The following XDH variants were observed in gnomAD, a reference collection of about 807,000 sequenced individuals.
XDH encodes the protein xanthine dehydrogenase/oxidase.
In XDH, 138 loss-of-function variants were observed where a neutral mutation model predicts 156.1. That is an observed-to-expected ratio of 0.88 (90% CI 0.77 to 1.02). The LOEUF (loss-of-function observed/expected upper bound fraction) is 1.02. Among genes scored for constraint, XDH ranks in the 50% least tolerant of loss-of-function variants. XDH has a pLI of 0.00. For missense variants in XDH, 1,849 were observed against 1,684.9 expected (o/e 1.10, Z -1.71); for synonymous variants, 669 against 625.7 (o/e 1.07, Z -1.03).
intron 6 of XDH, among the ~76,000 whole-genome samples, chr2:31,396,359 T>G (rs931062844): frequency 6.6e-6 from 1 of 152,162 alleles, no homozygotes; most frequent in African/African-American, 2.4e-5. Flanking sequence ...TCTTATGAAG[T>G]AAATAGAGGC....
intron 21 of XDH, among the ~76,000 whole-genome samples, chr2:31,366,561 T>C (rs1685919818): frequency 6.6e-6 from 1 of 152,200 alleles, no homozygotes; most frequent in Non-Finnish European, 1.5e-5. Context: ...ACCGAGGCCA[T>C]AGGCACTGAA....
intron 8 of XDH, among the ~76,000 whole-genome samples, chr2:31,386,988 A>AAAGGAAGGAAGG (rs72299308): frequency 6.6e-5 from 6 of 90,508 alleles, no homozygotes; most frequent in African/African-American, 2.7e-4. Context: ...GGGAGGGAAG[A>AAAGGAAGGAAGG]AAGGAAGGAA....
chr2:31,338,059 TA>T (rs1685015425), intron 34 of XDH, among the ~76,000 whole-genome samples: 1 of 152,254 alleles, frequency 6.6e-6, no homozygotes, highest in East Asian at 1.9e-4. Context: ...AACACTCATG[TA>T]ATTTTCTCTG....
At chr2:31,387,258 T>C (rs1005919442) in intron 8 of XDH, among the ~76,000 whole-genome samples, 9 of 152,158 alleles carry the variant, frequency 5.9e-5, no homozygotes, top group African/African-American at 2.2e-4. Flanking sequence ...AAGTGTGCAC[T>C]TCAAAAACTC....
In XDH at chr2:31,347,615, C is replaced by A. The variant is rs752612875; in HGVS notation, c.3183G>T (p.Lys1061Asn). The A allele has an allele frequency of 6.2e-7, 1 of 1,613,982 alleles. No individual in the cohort carries two copies. The highest frequency in any genetic ancestry group is 1.3e-5 in the African/African-American group (1 of 74,910). The change falls in exon 29 of 36, where the codon AAG (lysine) becomes AAT (asparagine). Residue 1061 changes from lysine to asparagine, a missense_variant. Lys to Asn is a moderately conservative substitution (Grantham distance 94). Transcript: ENST00000379416. ...TAGTGCTTGTCTCGCTGATATAAAT[C>A]TTAGAGGTGGGGATTTTCAGAGCTC... ...ASRALKIPTS[K>N]IYISETSTNT...
intron 9 of XDH, among the ~76,000 whole-genome samples, chr2:31,384,682 TC>T (rs1366270755): frequency 1.3e-5 from 2 of 152,150 alleles, no homozygotes; most frequent in South Asian, 2.1e-4. Flanking sequence ...TGCCCCCCCT[TC>T]CCCCCAGGTG....
intron 6 of XDH, among the ~76,000 whole-genome samples, chr2:31,395,077 G>C (rs2148000895): frequency 6.6e-6 from 1 of 151,422 alleles, no homozygotes; most frequent in African/African-American, 2.4e-5. Context: ...GTTTGCCTTT[G>C]ACTATGCCTT....
intron 6 of XDH, among the ~76,000 whole-genome samples, chr2:31,394,976 C>T (rs1210639428): frequency 6.6e-6 from 1 of 152,172 alleles, no homozygotes; most frequent in Non-Finnish European, 1.5e-5. Flanking sequence ...GCATACTAAT[C>T]ATAGCTTTAT....
chr2:31,406,618 A>C lies in XDH; in HGVS notation c.43-654T>G, dbSNP rs529843379. Among the ~76,000 whole-genome samples, 4 of 152,344 alleles carry C rather than the reference A, an allele frequency of 2.6e-5. No individual in the cohort carries two copies. In the East Asian group the frequency reaches 7.7e-4, roughly 29 times the overall value. On this transcript the variant is annotated intron_variant, in intron 1 of 35. Transcript: ENST00000379416. ...CTCAATGCTCACCTTGGGACCCACC[A>C]CAGAACATGCAGGCATTGCACCTTC...
rs1558696709 is a variant in XDH at position 31,378,123 on chromosome 2, G to GAAA, written c.1243-887_1243-886insTTT. Among the ~76,000 whole-genome samples the GAAA allele has an allele frequency of 1.1e-3, 45 of 39,966 alleles. 3 individuals are homozygous for GAAA. Among genetic ancestry groups the GAAA allele is most frequent in the African/African-American group, 4.2e-3 (44 of 10,420 alleles). The allele number at this position is 39,966 out of a possible 152,430, so 26.2% of individuals were successfully genotyped here. Reference sequence around the variant, plus strand: ...GAAAGAAAGAAAGGAAGGAAGGAAGGAAGGAAGGAAGGAAGGAAGGAAGGA... The same window carrying GAAA: ...GAAAGAAAGAAAGGAAGGAAGGAAGGAAAAAGGAAGGAAGGAAGGAAGGAAGGA... On this transcript the variant is annotated intron_variant, in intron 13 of 35. Transcript: ENST00000379416.
At position 31,368,057 on chromosome 2, in the gene XDH, C is replaced by A. The variant is rs1169495648; in HGVS notation, c.2101G>T (p.Asp701Tyr). The A allele has an allele frequency of 8.1e-6, 13 of 1,613,832 alleles. No individual in the cohort carries two copies. Among genetic ancestry groups the A allele is most frequent in the African/African-American group, 2.7e-5 (2 of 74,904 alleles). ...EELPAIITIE[D>Y]AIKNNSFYGP... ...TAAAAGGAGTTGTTCTTTATAGCAT[C>A]CTGAGGATCACAAAGAAGTTTCAGA... is the stretch of plus-strand genomic sequence containing the variant. Residue 701 changes from aspartate (D) to tyrosine (Y), a missense_variant and splice_region_variant, in exon 20 of 36, where the codon GAT (aspartate) becomes TAT (tyrosine). Asp to Tyr is a radical substitution (Grantham distance 160). Coordinates refer to ENST00000379416, the MANE Select transcript of XDH (RefSeq NM_000379.4).
At chr2:31,372,773 G>C (rs1203236463) in intron 16 of XDH, among the ~76,000 whole-genome samples, 1 of 152,104 alleles carries the variant, frequency 6.6e-6, no homozygotes, top group African/African-American at 2.4e-5. Flanking sequence ...TTGTGTTTGT[G>C]TTTGACAATA....
intron 34 of XDH, 110 bp from the exon 35 acceptor site, chr2:31,337,927 G>A (rs1462737870): frequency 4.0e-6 from 5 of 1,244,674 alleles, no homozygotes; most frequent in Admixed American, 2.1e-5. Flanking sequence ...GAGGGCTGGT[G>A]GCACCAGGAA....
At chr2:31,386,359 C>A in intron 9 of XDH, 55 bp downstream of exon 9, 1 of 1,603,002 alleles carries the variant, frequency 6.2e-7, no homozygotes, top group South Asian at 1.1e-5. Flanking sequence ...GCAAGAGGAC[C>A]TAGAAACACC....
chr2:31,375,202 C>T (rs1172131253), intron 15 of XDH, among the ~76,000 whole-genome samples, 178 bp downstream of exon 15: 1 of 151,872 alleles, frequency 6.6e-6, no homozygotes, highest in African/African-American at 2.4e-5. Flanking sequence ...CCCAGCCCAG[C>T]ACTCTGCCTC....
In XDH at chr2:31,344,673, A is replaced by G. The variant is rs143873022; in HGVS notation, c.3404+11T>C. The stretch of plus-strand genomic sequence containing the variant: ...ACACTATGAGCTGGGCAAGGACAAC[A>G]CCATACTTACCTATAAAACCCAGTG... On this transcript the variant is annotated intron_variant, in intron 31 of 35. Transcript: ENST00000379416. 4.2e-5 allele frequency: 68 copies of G among 1,614,074 alleles called. No homozygotes were observed. The East Asian group carries it at 1.4e-3, about 34-fold the overall frequency.
chr2:31,402,357 G>A (rs531092408), intron 3 of XDH, among the ~76,000 whole-genome samples: 1 of 152,268 alleles, frequency 6.6e-6, no homozygotes, highest in African/African-American at 2.4e-5. Flanking sequence ...CTCCTGAACT[G>A]CTTCTAATGT....
chr2:31,409,405 AAATATGTAGATC>A (rs1687281932), intron 1 of XDH, among the ~76,000 whole-genome samples: 1 of 152,198 alleles, frequency 6.6e-6, no homozygotes, highest in South Asian at 2.1e-4. Context: ...TGTACCCCAT[AAATATGTAGATC>A]TACTATGTAC....
intron 24 of XDH, among the ~76,000 whole-genome samples, chr2:31,354,324 T>C (rs1393974344): frequency 6.6e-6 from 1 of 152,162 alleles, no homozygotes; most frequent in Non-Finnish European, 1.5e-5. Context: ...ATCACCACCA[T>C]CATCTGTACA....
Sources: gnomAD v4.1 joint callset for allele counts (sites outside exome capture counted in the v4.1 genomes callset) on GRCh38, gnomAD v4.1.1 for gene constraint, MANE v1.5 for transcripts, NCBI Gene and HGNC (gene_info 2026-07-23, HGNC 2026-07-21) for gene names.